The following MRGPRX2 variants were observed in gnomAD, a reference collection of about 807,000 sequenced individuals.
The protein encoded by MRGPRX2 is MAS related GPR family member X2, also known as mas-related G protein-coupled receptor member X2.
For synonymous variants in MRGPRX2, 183 were observed against 175.6 expected (o/e 1.04, Z -0.33); for missense variants, 389 against 404.5 (o/e 0.96, Z 0.33).
chr11:19,056,483 C>T, intron 1 of MRGPRX2, 56 bp from the exon 2 acceptor site: 1 of 1,510,546 alleles, frequency 6.6e-7, no homozygotes, highest in South Asian at 1.3e-5. Context: ...TTTTCATGAC[C>T]AGCCTGTTAT....
Position 19,055,885 on chromosome 11 carries a change from CTAAA to C in MRGPRX2, c.514_517del (p.Phe172ValfsTer19). ...CTGACACCAACCAGAGTCACCATCA[CTAAA>C]TAAGAAGCCACAGAACTTCCCTTCC... On this transcript the variant is annotated frameshift_variant, in exon 2 of 2. Coordinates refer to ENST00000329773, the MANE Select transcript of MRGPRX2 (RefSeq NM_054030.4). LOFTEE classifies it low-confidence loss of function (END_TRUNC). The C allele has an allele frequency of 6.2e-7, 1 of 1,614,168 alleles. No individual in the cohort carries two copies. Among genetic ancestry groups the C allele is most frequent in the Non-Finnish European group, 8.5e-7 (1 of 1,180,036 alleles).
chr11:19,059,519 T>C (rs889469530), intron 1 of MRGPRX2, among the ~76,000 whole-genome samples: 7 of 152,114 alleles, frequency 4.6e-5, no homozygotes, highest in African/African-American at 1.7e-4. Flanking sequence ...CCAATCCCTT[T>C]TTTTCCCAAC....
rs756825358 is a variant in MRGPRX2, at chr11:19,055,734, C to G, written c.669G>C (p.Leu223=). 8 of 1,614,178 alleles carry G rather than the reference C, an allele frequency of 5.0e-6. No homozygotes were observed. The South Asian group carries it at 8.8e-5, about 18-fold the overall frequency. ...SRGLPLTRLY[L]TILLTVLVFL... ...ACACCAGCACTGTGAGCAGGATGGT[C>G]AGGTACAGCCTGGTCAGTGGCAGAC... The change falls in exon 2 of 2, where the codon CTG becomes CTC. Residue 223 remains leucine (L), a synonymous_variant. Transcript: ENST00000329773.
intron 1 of MRGPRX2, among the ~76,000 whole-genome samples, 200 bp downstream of exon 1, chr11:19,060,419 G>T (rs74547908): frequency 0.042 from 6,460 of 152,208 alleles, 217 homozygotes; most frequent in South Asian, 0.057. Context: ...GAAGAGAAGG[G>T]GAGAATATTG....
In MRGPRX2 at chr11:19,056,426, C is replaced by A. The variant is rs1343619516; in HGVS notation, c.-24G>T. The A allele has an allele frequency of 1.9e-6, 3 of 1,588,016 alleles. No homozygotes were observed. The highest frequency in any genetic ancestry group is 2.6e-6 in the Non-Finnish European group (3 of 1,165,032). ...ATGCTCAGAAAACCTCCACTGGTGC[C>A]CCTGGAAACAAAAACAAGACTTGAG... On this transcript the variant is annotated splice_region_variant and 5_prime_UTR_variant, in exon 2 of 2. Transcript: ENST00000329773.
chr11:19,056,571 G>T, intron 1 of MRGPRX2, 144 bp from the exon 2 acceptor site: 1 of 791,954 alleles, frequency 1.3e-6, no homozygotes, highest in Non-Finnish European at 2.0e-6. Flanking sequence ...AAGGGCCAGG[G>T]AGTCCTAGCA....
intron 1 of MRGPRX2, among the ~76,000 whole-genome samples, chr11:19,059,547 G>A (rs965267988): frequency 6.6e-5 from 10 of 151,880 alleles, no homozygotes; most frequent in Non-Finnish European, 1.3e-4. Flanking sequence ...CATTCTCAAG[G>A]CATTTATGAT....
rs1158080745 is a variant in MRGPRX2 at position 19,055,880 on chromosome 11, CATCACTAA to C, written c.515_522del (p.Phe172TrpfsTer2). ...AATGTCTGACACCAACCAGAGTCAC[CATCACTAA>C]ATAAGAAGCCACAGAACTTCCCTTC... On this transcript the variant is annotated frameshift_variant, in exon 2 of 2. Coordinates refer to ENST00000329773, the MANE Select transcript of MRGPRX2 (RefSeq NM_054030.4). LOFTEE classifies it low-confidence loss of function (END_TRUNC). 6.2e-7 allele frequency: 1 copy of C among 1,614,122 alleles called. No homozygotes were observed. Among genetic ancestry groups the C allele is most frequent in the Admixed American group, 1.7e-5 (1 of 60,018 alleles).
chr11:19,060,229 G>A (rs915058729), intron 1 of MRGPRX2, among the ~76,000 whole-genome samples: 8 of 152,154 alleles, frequency 5.3e-5, no homozygotes, highest in African/African-American at 1.9e-4. Context: ...TGTGTGATGT[G>A]TGTTTTCTGC....
At position 19,055,437 on chromosome 11, in the gene MRGPRX2, CG is replaced by C. The variant is rs762380646; in HGVS notation, c.965del (p.Pro322ArgfsTer54). The part of the protein sequence containing the change: ...HSEGCFRQGT[P>X]EMSRSSLV ...ACACCAGACTGCTTCTCGACATCTC[CG>C]GGGTGCCCTGACGGAAGCATCCTTC... On this transcript the variant is annotated frameshift_variant, in exon 2 of 2. Transcript: ENST00000329773. LOFTEE classifies it low-confidence loss of function (END_TRUNC). 3 of 1,609,096 alleles carry C rather than the reference CG, an allele frequency of 1.9e-6. No individual in the cohort carries two copies. The highest frequency in any genetic ancestry group is 4.5e-5 in the East Asian group (2 of 44,726).
In MRGPRX2 at chr11:19,055,415, C is replaced by A; in HGVS notation, c.988G>T (p.Val330Leu). ...GTPEMSRSSLV is the reference protein window; with the variant it reads ...GTPEMSRSSLL The stretch of plus-strand genomic sequence containing the variant: ...GAAGTAGAGGCTGTCCATCTCTACA[C>A]CAGACTGCTTCTCGACATCTCCGGG... Residue 330 changes from valine to leucine, a missense_variant, in exon 2 of 2, where the codon GTG (valine) becomes TTG (leucine). Val to Leu is a conservative substitution (Grantham distance 32). Transcript: ENST00000329773. 6.2e-7 allele frequency: 1 copy of A among 1,603,596 alleles called. No homozygotes were observed. The highest frequency in any genetic ancestry group is 2.2e-5 in the East Asian group (1 of 44,592).
Position 19,056,351 on chromosome 11 carries a change from T to C in MRGPRX2, c.52A>G (p.Asn18Asp). The C allele has an allele frequency of 6.2e-7, 1 of 1,614,160 alleles. No individual in the cohort carries two copies. Among genetic ancestry groups the C allele is most frequent in the Non-Finnish European group, 8.5e-7 (1 of 1,180,026 alleles). ...WGTESTTVNG[N>D]DQALLLLCGK... ...CAAAGCAGAAGAAGGGCTTGGTCATTTCCATTCACTGTTGTACTTTCTGTT... is the reference window on the plus strand; with the variant it reads ...CAAAGCAGAAGAAGGGCTTGGTCATCTCCATTCACTGTTGTACTTTCTGTT... The change falls in exon 2 of 2, where the codon AAT becomes GAT. Residue 18 changes from asparagine to aspartate, a missense_variant. Asn to Asp is a conservative substitution (Grantham distance 23). Transcript: ENST00000329773.
At chr11:19,059,855 A>AC (rs1849652949) in intron 1 of MRGPRX2, among the ~76,000 whole-genome samples, 3 of 152,118 alleles carry the variant, frequency 2.0e-5, no homozygotes, top group African/African-American at 7.2e-5. Context: ...TTGGAGGGTG[A>AC]CTTTTTTTTT....
chr11:19,060,404 T>C (rs1466380164), intron 1 of MRGPRX2, among the ~76,000 whole-genome samples: 1 of 152,214 alleles, frequency 6.6e-6, no homozygotes, highest in Non-Finnish European at 1.5e-5. Flanking sequence ...CAGATTTGAA[T>C]GGTCGAAGAG....
Position 19,055,334 on chromosome 11 carries a change from C to A in MRGPRX2, c.*76G>T. On this transcript the variant is annotated 3_prime_UTR_variant, in exon 2 of 2. Coordinates refer to ENST00000329773, the MANE Select transcript of MRGPRX2 (RefSeq NM_054030.4). ...TTTTAAAATCAGGACTGAGAAAGTT[C>A]AGCAAATCAGACAGACAGGGGCAAA... 1 of 1,462,670 alleles carries A rather than the reference C, an allele frequency of 6.8e-7. No individual in the cohort carries two copies. The highest frequency in any genetic ancestry group is 9.3e-7 in the Non-Finnish European group (1 of 1,080,638). 90.6% of individuals were successfully genotyped at this position (1,462,670 alleles called of 1,614,324 possible). A position where few individuals can be genotyped will look rare whatever the true frequency, so the allele number is the denominator to read the frequency against.
At chr11:19,058,606 TC>T (rs1488469126) in intron 1 of MRGPRX2, among the ~76,000 whole-genome samples, 1 of 151,880 alleles carries the variant, frequency 6.6e-6, no homozygotes, top group African/African-American at 2.4e-5. Flanking sequence ...ATTTTTTTTT[TC>T]AGTAGAGACG....
chr11:19,056,470 T>C (rs1282402701), intron 1 of MRGPRX2, 43 bp from the exon 2 acceptor site: 3 of 1,538,536 alleles, frequency 1.9e-6, no homozygotes, highest in African/African-American at 1.4e-5. Context: ...GCATGTTCAC[T>C]GATTTTCATG....
At chr11:19,058,130 C>T (rs1396073586) in intron 1 of MRGPRX2, among the ~76,000 whole-genome samples, 1 of 152,194 alleles carries the variant, frequency 6.6e-6, no homozygotes. Context: ...TAGAAGCCAA[C>T]TGAGAATAAG....
chr11:19,058,957 G>C (rs1849643707), intron 1 of MRGPRX2, among the ~76,000 whole-genome samples: 1 of 152,092 alleles, frequency 6.6e-6, no homozygotes, highest in Non-Finnish European at 1.5e-5. Flanking sequence ...CAGTCTCCTG[G>C]GGCCCTGTCC....
Sources: allele counts gnomAD v4.1 joint callset (sites outside exome capture counted in the v4.1 genomes callset), GRCh38; gene constraint gnomAD v4.1.1; transcripts MANE v1.5; gene names NCBI Gene and HGNC (gene_info 2026-07-23, HGNC 2026-07-21).